PID1: variants seen among roughly 807,000 people sequenced by gnomAD.
PID1 encodes the protein PTB-containing, cubilin and LRP1-interacting protein.
A neutral mutation model predicts 19.1 loss-of-function variants in PID1; 10 were observed. That is an observed-to-expected ratio of 0.52 (90% CI 0.32 to 0.89). PID1 has a LOEUF of 0.89. PID1 is among the 40% of genes least tolerant of loss of function. The probability of loss-of-function intolerance (pLI) is 0.03; values close to 1 mark genes in which losing one functional copy is unlikely to be tolerated. For missense variants in PID1, 248 were observed against 285.3 expected (o/e 0.87, Z 0.94); for synonymous variants, 130 against 116.0 (o/e 1.12, Z -0.78).
chr2:229,036,248 C>T (rs1317985183), intron 2 of PID1, among the ~76,000 whole-genome samples: 1 of 152,180 alleles, frequency 6.6e-6, no homozygotes, highest in African/African-American at 2.4e-5. Flanking sequence ...GGTCTCAGCT[C>T]AGAGCAGGCC....
intron 2 of PID1, among the ~76,000 whole-genome samples, chr2:229,148,468 G>C (rs1222046426): frequency 6.6e-6 from 1 of 152,130 alleles, no homozygotes; most frequent in Non-Finnish European, 1.5e-5. Flanking sequence ...CACTGGACAG[G>C]GTGAAGAGGG....
chr2:229,134,232 T>TTTTTTTTTTTTTTTTTTTTTTTTTTTTTG (rs1689810150), intron 2 of PID1, among the ~76,000 whole-genome samples: 3 of 2,968 alleles, frequency 1.0e-3, no homozygotes, highest in Admixed American at 6.3e-3. Flanking sequence ...ACTACCTGTG[T>TTTTTTTTTTTTTTTTTTTTTTTTTTTTTG]TTTTTTTTTT....
At chr2:229,206,888 T>C (rs1046700128) in intron 1 of PID1, among the ~76,000 whole-genome samples, 1 of 152,134 alleles carries the variant, frequency 6.6e-6, no homozygotes, top group Non-Finnish European at 1.5e-5. Context: ...ACCGAGGGAT[T>C]TTGTTAGAAT....
intron 1 of PID1, among the ~76,000 whole-genome samples, chr2:229,214,961 C>T (rs1691814878): frequency 6.6e-6 from 1 of 152,106 alleles, no homozygotes. Flanking sequence ...TTTTCCCTAA[C>T]AGCATATCCC....
rs78542394 is a variant in PID1, at chr2:229,131,582, T to C, written c.177+24236A>G. On this transcript the variant is annotated intron_variant, in intron 2 of 2. Coordinates refer to ENST00000392055, the MANE Select transcript of PID1 (RefSeq NM_001100818.2). ...GTGAAAAGAGTAAAGAATCTCCACA[T>C]GTGAAAATCACCATTTTGGCTAAAG... 4.5e-3 allele frequency among the ~76,000 whole-genome samples: 688 copies of C among 152,300 alleles called. 6 individuals are homozygous for C. Among genetic ancestry groups the C allele is most frequent in the African/African-American group, 0.016 (657 of 41,550 alleles).
intron 2 of PID1, among the ~76,000 whole-genome samples, chr2:229,129,604 C>A (rs1250195612): frequency 2.0e-5 from 3 of 152,114 alleles, no homozygotes; most frequent in Non-Finnish European, 4.4e-5. Context: ...TAAACTGAAT[C>A]CAAATTGCTT....
At position 229,031,152 on chromosome 2, in the gene PID1, G is replaced by A. The variant is rs558658857; in HGVS notation, c.178-5044C>T. ...AATCGCTTGAACCTGGGAGGCAGAGGTTGCAGTGAGCTGAGATCGTGCTAC... is the reference window on the plus strand; with the variant it reads ...AATCGCTTGAACCTGGGAGGCAGAGATTGCAGTGAGCTGAGATCGTGCTAC... On this transcript the variant is annotated intron_variant, in intron 2 of 2. Transcript: ENST00000392055. 3.5e-5 allele frequency among the ~76,000 whole-genome samples: 5 copies of A among 143,702 alleles called. No homozygotes were observed. The South Asian group carries it at 1.1e-3, about 31-fold the overall frequency. 94.3% of individuals were successfully genotyped at this position (143,702 alleles called of 152,430 possible). A position where few individuals can be genotyped will look rare whatever the true frequency, so the allele number is the denominator to read the frequency against.
At chr2:229,254,165 C>A (rs529583699) in intron 1 of PID1, among the ~76,000 whole-genome samples, 279 of 152,042 alleles carry the variant, frequency 1.8e-3, no homozygotes, top group Non-Finnish European at 3.0e-3. Flanking sequence ...ACAACAACAA[C>A]AAAAAAACCT....
chr2:229,244,338 A>T (rs1375719973), intron 1 of PID1, among the ~76,000 whole-genome samples: 1 of 152,108 alleles, frequency 6.6e-6, no homozygotes, highest in Admixed American at 6.5e-5. Flanking sequence ...CCTGATTCTT[A>T]TCGTCATCCA....
intron 2 of PID1, among the ~76,000 whole-genome samples, chr2:229,042,630 C>G (rs1693794578): frequency 6.6e-6 from 1 of 152,144 alleles, no homozygotes; most frequent in African/African-American, 2.4e-5. Context: ...GGAAAATACA[C>G]CAGGTTAAAA....
intron 1 of PID1, among the ~76,000 whole-genome samples, chr2:229,196,367 TC>T (rs1691378523): frequency 6.6e-6 from 1 of 152,108 alleles, no homozygotes; most frequent in African/African-American, 2.4e-5. Context: ...CTAAAAGTTA[TC>T]CCTTTTCAAA....
chr2:229,070,504 G>A (rs189887500), intron 2 of PID1, among the ~76,000 whole-genome samples: 1 of 152,312 alleles, frequency 6.6e-6, no homozygotes, highest in Admixed American at 6.5e-5. Flanking sequence ...CACACAAGAT[G>A]TAGCTAAGAA....
intron 1 of PID1, among the ~76,000 whole-genome samples, chr2:229,249,077 T>A (rs1019370844): frequency 2.6e-5 from 4 of 152,242 alleles, no homozygotes; most frequent in African/African-American, 7.2e-5. Flanking sequence ...TTTATATTTT[T>A]AATTAATTGC....
chr2:229,122,090 A>G (rs898548673), intron 2 of PID1, among the ~76,000 whole-genome samples: 1 of 152,198 alleles, frequency 6.6e-6, no homozygotes, highest in Non-Finnish European at 1.5e-5. Context: ...TTTCATAAAC[A>G]TCTTAAGAGA....
intron 2 of PID1, among the ~76,000 whole-genome samples, chr2:229,060,769 C>T (rs1187679180): frequency 3.9e-5 from 6 of 152,072 alleles, no homozygotes; most frequent in East Asian, 1.9e-4. Context: ...TCCATACCCT[C>T]GCCAACACTT....
At chr2:229,236,115 C>T (rs145026118) in intron 1 of PID1, among the ~76,000 whole-genome samples, 1 of 151,912 alleles carries the variant, frequency 6.6e-6, no homozygotes, top group Non-Finnish European at 1.5e-5. Flanking sequence ...TACAAGTCTA[C>T]CAACGACTTA....
chr2:229,073,112 G>A (rs1214172016), intron 2 of PID1, among the ~76,000 whole-genome samples: 4 of 152,158 alleles, frequency 2.6e-5, no homozygotes, highest in African/African-American at 9.7e-5. Context: ...TGCAAGCTCC[G>A]TCTCTCAGGT....
At chr2:229,139,115 G>GAAAGAGAAAGAAAGAAAGAAAGAAAGAA (rs1210728895) in intron 2 of PID1, among the ~76,000 whole-genome samples, 1 of 48,062 alleles carries the variant, frequency 2.1e-5, no homozygotes, top group African/African-American at 9.5e-5. Flanking sequence ...AAGAAAGAAA[G>GAAAGAGAAAGAAAGAAAGAAAGAAAGAA]AGAAAGAAAG....
At chr2:229,041,493 G>A (rs1344995914) in intron 2 of PID1, among the ~76,000 whole-genome samples, 1 of 152,062 alleles carries the variant, frequency 6.6e-6, no homozygotes. Flanking sequence ...ACTAATAAAG[G>A]TAAAAGAGGC....
Sources: gnomAD v4.1 joint callset for allele counts (sites outside exome capture counted in the v4.1 genomes callset) on GRCh38, gnomAD v4.1.1 for gene constraint, MANE v1.5 for transcripts, NCBI Gene and HGNC (gene_info 2026-07-23, HGNC 2026-07-21) for gene names.